MGMT: variants seen among roughly 807,000 people sequenced by gnomAD.
The protein encoded by MGMT is O-6-methylguanine-DNA methyltransferase, also known as methylated-DNA--protein-cysteine methyltransferase.
A neutral mutation model predicts 15.9 loss-of-function variants in MGMT; 14 were observed. That is an observed-to-expected ratio of 0.88 (90% CI 0.58 to 1.37). The LOEUF is 1.37. Ranked by LOEUF, MGMT falls within the 40% of genes most tolerant of loss-of-function variation. MGMT has a pLI of 0.00. For synonymous variants in MGMT, 130 were observed against 118.2 expected (o/e 1.10, Z -0.65); for missense variants, 282 against 268.1 (o/e 1.05, Z -0.36).
At chr10:129,513,003 G>A (rs367885934) in intron 1 of MGMT, among the ~76,000 whole-genome samples, 53 of 152,292 alleles carry the variant, frequency 3.5e-4, no homozygotes, top group African/African-American at 1.2e-3. Flanking sequence ...ACACACAAAC[G>A]TCTATCTGTG....
chr10:129,747,312 T>G (rs1848705695), intron 3 of MGMT, among the ~76,000 whole-genome samples: 1 of 152,230 alleles, frequency 6.6e-6, no homozygotes, highest in Non-Finnish European at 1.5e-5. Context: ...TTAGGTATGA[T>G]GTTAACTGTG....
chr10:129,590,708 A>C (rs74870067), intron 2 of MGMT, among the ~76,000 whole-genome samples: 4,079 of 152,326 alleles, frequency 0.027, 92 homozygotes, highest in South Asian at 0.065. Flanking sequence ...TTTAAGATCC[A>C]GCAAGATAGG....
chr10:129,506,201 A>G (rs1845623383), intron 1 of MGMT, among the ~76,000 whole-genome samples: 1 of 152,008 alleles, frequency 6.6e-6, no homozygotes, highest in Non-Finnish European at 1.5e-5. Flanking sequence ...GCCCCACAAC[A>G]AAGAGGAATT....
chr10:129,765,455 GATGCCCAT>G (rs1423491211), intron 4 of MGMT, among the ~76,000 whole-genome samples: 1 of 152,226 alleles, frequency 6.6e-6, no homozygotes, highest in Non-Finnish European at 1.5e-5. Context: ...CAACCAGAGA[GATGCCCAT>G]ATGTTACTGC....
rs189053544 is a variant in MGMT at position 129,737,198 on chromosome 10, A to T, written c.275-22004A>T. ...CTCCCTGTCACTTTCAGGTACACCA[A>T]TCAGACATAGATTTGGTATTTTCAC... is the stretch of plus-strand genomic sequence containing the variant. On this transcript the variant is annotated intron_variant, in intron 3 of 4. Coordinates refer to ENST00000651593, the MANE Select transcript of MGMT (RefSeq NM_002412.5). Among the ~76,000 whole-genome samples the T allele has an allele frequency of 2.0e-5, 3 of 152,290 alleles. No individual in the cohort carries two copies. In the East Asian group the frequency reaches 5.8e-4, roughly 29 times the overall value.
intron 2 of MGMT, among the ~76,000 whole-genome samples, chr10:129,699,074 G>GGTGT (rs1360148424): frequency 6.6e-6 from 1 of 151,992 alleles, no homozygotes; most frequent in Non-Finnish European, 1.5e-5. Flanking sequence ...ATAGTTTTGG[G>GGTGT]GTGTTTTTAT....
At chr10:129,755,208 C>T (rs1848791194) in intron 3 of MGMT, among the ~76,000 whole-genome samples, 1 of 152,238 alleles carries the variant, frequency 6.6e-6, no homozygotes, top group African/African-American at 2.4e-5. Flanking sequence ...GAACCAGAAT[C>T]CCCCTTTCCC....
chr10:129,710,000 A>G (rs1473598483), intron 3 of MGMT, among the ~76,000 whole-genome samples: 2 of 152,194 alleles, frequency 1.3e-5, no homozygotes, highest in South Asian at 2.1e-4. Flanking sequence ...ACTTCTGCCC[A>G]TGGCAGTGTT....
chr10:129,596,998 G>A, intron 2 of MGMT, among the ~76,000 whole-genome samples: 1 of 152,186 alleles, frequency 6.6e-6, no homozygotes, highest in East Asian at 1.9e-4. Context: ...GAAGGTCTCT[G>A]CTGGAGATCT....
chr10:129,759,288 G>T lies in MGMT; in HGVS notation c.361G>T (p.Ala121Ser), dbSNP rs755684450. Residue 121 changes from alanine (A) to serine (S), a missense_variant, in exon 4 of 5, where the codon GCA becomes TCA. Coordinates refer to ENST00000651593, the MANE Select transcript of MGMT (RefSeq NM_002412.5). ...TTCTTACCAGCAATTAGCAGCCCTG[G>T]CAGGCAACCCCAAAGCCGCGCGAGC... ...VISYQQLAALAGNPKAARAVG... is the reference protein window; with the variant it reads ...VISYQQLAALSGNPKAARAVG... 6.2e-7 allele frequency: 1 copy of T among 1,614,168 alleles called. No individual in the cohort carries two copies. The highest frequency in any genetic ancestry group is 1.3e-5 in the African/African-American group (1 of 75,046).
intron 2 of MGMT, among the ~76,000 whole-genome samples, chr10:129,693,133 G>A (rs982640042): frequency 6.6e-6 from 1 of 152,198 alleles, no homozygotes; most frequent in Admixed American, 6.5e-5. Flanking sequence ...TGATGGTCGT[G>A]TAAGTCCATG....
At chr10:129,543,916 G>T (rs1351104112) in intron 2 of MGMT, among the ~76,000 whole-genome samples, 1 of 152,206 alleles carries the variant, frequency 6.6e-6, no homozygotes, top group Non-Finnish European at 1.5e-5. Flanking sequence ...CAGAGCAAAA[G>T]ATTTTTTAAG....
intron 1 of MGMT, among the ~76,000 whole-genome samples, chr10:129,535,973 G>A (rs1845979467): frequency 6.6e-6 from 1 of 152,172 alleles, no homozygotes; most frequent in African/African-American, 2.4e-5. Context: ...GTGTTGCGTT[G>A]GTTAAAGATA....
intron 1 of MGMT, among the ~76,000 whole-genome samples, chr10:129,511,676 A>G (rs1293880563): frequency 1.3e-5 from 2 of 152,148 alleles, no homozygotes; most frequent in African/African-American, 2.4e-5. Flanking sequence ...TCCCAGGGCT[A>G]TTGGGGATCA....
At chr10:129,616,428 G>A (rs1195649480) in intron 2 of MGMT, among the ~76,000 whole-genome samples, 1 of 152,070 alleles carries the variant, frequency 6.6e-6, no homozygotes, top group Non-Finnish European at 1.5e-5. Flanking sequence ...TAGAAGCTGT[G>A]CCCTGGAGCT....
At chr10:129,685,653 A>G (rs1393103022) in intron 2 of MGMT, among the ~76,000 whole-genome samples, 2 of 152,200 alleles carry the variant, frequency 1.3e-5, no homozygotes, top group East Asian at 1.9e-4. Flanking sequence ...AGTTAATCCT[A>G]GGTGTTTTCA....
rs182210500 is a variant in MGMT, at chr10:129,740,286, G to A, written c.275-18916G>A. ...ACATGGGCCCTGGGTGCCTGGGCCTGTGGAGCCACAGCTGCTGAGGTCCGG... is the reference window on the plus strand; with the variant it reads ...ACATGGGCCCTGGGTGCCTGGGCCTATGGAGCCACAGCTGCTGAGGTCCGG... On this transcript the variant is annotated intron_variant, in intron 3 of 4. Coordinates refer to ENST00000651593, the MANE Select transcript of MGMT (RefSeq NM_002412.5). Among the ~76,000 whole-genome samples, 619 of 152,226 alleles carry A rather than the reference G, an allele frequency of 4.1e-3. 3 individuals are homozygous for A. Among genetic ancestry groups the A allele is most frequent in the African/African-American group, 0.014 (583 of 41,536 alleles).
chr10:129,653,481 A>G (rs1225541190), intron 2 of MGMT, among the ~76,000 whole-genome samples: 1 of 152,206 alleles, frequency 6.6e-6, no homozygotes, highest in Non-Finnish European at 1.5e-5. Flanking sequence ...TGCTCCCTCT[A>G]CAAAACACTG....
rs1442872169 is a variant in MGMT at position 129,533,013 on chromosome 10, G to C, written c.-12-3228G>C. ...GCGTCAGCACCAGGGCTGGGCTCCTGCCTGGGACTCGAATCGGGAGCAGGT... is the reference window on the plus strand; with the variant it reads ...GCGTCAGCACCAGGGCTGGGCTCCTCCCTGGGACTCGAATCGGGAGCAGGT... On this transcript the variant is annotated intron_variant, in intron 1 of 4. Coordinates refer to ENST00000651593, the MANE Select transcript of MGMT (RefSeq NM_002412.5). The surrounding 1 kb of genome is among the most constrained non-coding windows in gnomAD (Gnocchi z 4.5). Among the ~76,000 whole-genome samples, 1 of 152,218 alleles carries C rather than the reference G, an allele frequency of 6.6e-6. No individual in the cohort carries two copies. The highest frequency in any genetic ancestry group is 1.9e-4 in the East Asian group (1 of 5,178).
Sources: gnomAD v4.1 joint callset for allele counts (sites outside exome capture counted in the v4.1 genomes callset) on GRCh38, gnomAD v4.1.1 for gene constraint, Gnocchi (gnomAD v3.1) non-coding constraint, MANE v1.5 for transcripts, NCBI Gene and HGNC (gene_info 2026-07-23, HGNC 2026-07-21) for gene names.